Variants in WDR70 observed in about 807,000 individuals in gnomAD.
WDR70 encodes the protein WD repeat-containing protein 70.
WDR70 carries 53 observed loss-of-function variants against 88.6 expected under a neutral mutation model. That is an observed-to-expected ratio of 0.60 (90% CI 0.48 to 0.75). The LOEUF is 0.75. Ranked by LOEUF, WDR70 falls within the 30% of genes least tolerant of loss-of-function variation. The probability of loss-of-function intolerance (pLI) is 0.00; values close to 1 mark genes in which losing one functional copy is unlikely to be tolerated. For synonymous variants in WDR70, 280 were observed against 270.0 expected, an observed-to-expected ratio of 1.04 and a Z score of -0.36; for missense variants, 610 against 823.2, an observed-to-expected ratio of 0.74 and a Z score of 3.17.
intron 13 of WDR70, among the ~76,000 whole-genome samples, chr5:37,720,213 G>C (rs1747768009): frequency 6.6e-6 from 1 of 152,030 alleles, no homozygotes; most frequent in Non-Finnish European, 1.5e-5. Flanking sequence ...CCTATATATA[G>C]TTTGACAAGT....
chr5:37,416,592 T>C (rs1281207026), intron 5 of WDR70, among the ~76,000 whole-genome samples: 3 of 150,054 alleles, frequency 2.0e-5, no homozygotes, highest in East Asian at 3.9e-4. Context: ...TCTTTTTTTT[T>C]TTTTTTTGAG....
intron 7 of WDR70, among the ~76,000 whole-genome samples, chr5:37,452,037 T>C (rs1371795188): frequency 6.6e-6 from 1 of 152,116 alleles, no homozygotes; most frequent in Non-Finnish European, 1.5e-5. Flanking sequence ...GTGAAACATG[T>C]ATATTTTAAT....
intron 6 of WDR70, among the ~76,000 whole-genome samples, chr5:37,438,592 GA>G (rs1038965919): frequency 2.0e-5 from 3 of 151,910 alleles, no homozygotes; most frequent in Admixed American, 2.0e-4. Flanking sequence ...CATATGAAAT[GA>G]AAAAAATTAT....
chr5:37,608,333 C>T (rs1406010515), intron 10 of WDR70, among the ~76,000 whole-genome samples: 1 of 152,084 alleles, frequency 6.6e-6, no homozygotes, highest in Non-Finnish European at 1.5e-5. Context: ...AGCCACCACG[C>T]CTGGCCATTC....
chr5:37,441,184 T>C (rs1369896952), intron 6 of WDR70, among the ~76,000 whole-genome samples: 1 of 152,170 alleles, frequency 6.6e-6, no homozygotes, highest in Non-Finnish European at 1.5e-5. Flanking sequence ...TAGAGGCAAG[T>C]GAGTTTGTAG....
chr5:37,476,009 C>T (rs1739470342), intron 7 of WDR70, among the ~76,000 whole-genome samples: 1 of 151,718 alleles, frequency 6.6e-6, no homozygotes, highest in Non-Finnish European at 1.5e-5. Context: ...CCATGCCCAG[C>T]TATGTTTTTT....
At chr5:37,744,981 C>T (rs1343893602) in intron 17 of WDR70, among the ~76,000 whole-genome samples, 9 of 152,222 alleles carry the variant, frequency 5.9e-5, no homozygotes, top group African/African-American at 2.2e-4. Flanking sequence ...GACCCTTAAT[C>T]ATTGGATTCT....
At chr5:37,651,543 G>C (rs1745409577) in intron 10 of WDR70, among the ~76,000 whole-genome samples, 1 of 152,178 alleles carries the variant, frequency 6.6e-6, no homozygotes, top group South Asian at 2.1e-4. Flanking sequence ...TTGCCACCCT[G>C]TCTTCCACAG....
chr5:37,627,325 T>A (rs144663803), intron 10 of WDR70, among the ~76,000 whole-genome samples: 78 of 152,216 alleles, frequency 5.1e-4, no homozygotes, highest in Non-Finnish European at 3.4e-4. Context: ...TTTCCATAGT[T>A]CTCAAACGTG....
chr5:37,683,343 A>C (rs997171746), intron 10 of WDR70, among the ~76,000 whole-genome samples: 1 of 152,206 alleles, frequency 6.6e-6, no homozygotes, highest in Non-Finnish European at 1.5e-5. Flanking sequence ...TAGTATTTAC[A>C]TTCAAGATTA....
chr5:37,619,384 A>G (rs867560559), intron 10 of WDR70, among the ~76,000 whole-genome samples: 44 of 152,148 alleles, frequency 2.9e-4, no homozygotes, highest in Middle Eastern at 6.3e-3. Context: ...CAGGATGACT[A>G]TAGTCTCTAA....
At chr5:37,721,007 A>C in intron 13 of WDR70, 108 bp from the exon 14 acceptor site, 1 of 896,556 alleles carries the variant, frequency 1.1e-6, no homozygotes, top group Non-Finnish European at 1.8e-6. Flanking sequence ...TTAGAGGTAA[A>C]CCATCAGGAT....
chr5:37,468,454 A>T (rs1192060232), intron 7 of WDR70, among the ~76,000 whole-genome samples: 1 of 152,102 alleles, frequency 6.6e-6, no homozygotes, highest in Non-Finnish European at 1.5e-5. Flanking sequence ...TTATTTTTTC[A>T]TTTTATTTCA....
intron 9 of WDR70, among the ~76,000 whole-genome samples, chr5:37,565,786 T>G (rs947715416): frequency 1.3e-5 from 2 of 152,108 alleles, no homozygotes; most frequent in Non-Finnish European, 2.9e-5. Flanking sequence ...GATATTTAGA[T>G]TATTAGAGTA....
rs146941531 is a variant in WDR70, at chr5:37,497,856, C to G, written c.840+17869C>G. ...GTTTTTTTTAAGACAGAGTCTCACT[C>G]TGTCACCCAGGCTAGAGTGCAGTGG... is the stretch of plus-strand genomic sequence containing the variant. On this transcript the variant is annotated intron_variant, in intron 8 of 17. Coordinates refer to ENST00000265107, the MANE Select transcript of WDR70 (RefSeq NM_018034.4). 5.6e-3 allele frequency among the ~76,000 whole-genome samples: 847 copies of G among 152,118 alleles called. 12 individuals carry two copies. The highest frequency in any genetic ancestry group is 0.019 in the African/African-American group (808 of 41,500).
intron 7 of WDR70, among the ~76,000 whole-genome samples, chr5:37,449,397 G>C (rs1360208635): frequency 1.3e-5 from 2 of 152,018 alleles, no homozygotes; most frequent in Non-Finnish European, 2.9e-5. Flanking sequence ...TTCAAGACCA[G>C]CCTGGCCAAC....
chr5:37,591,408 G>A (rs1167204026), intron 9 of WDR70, among the ~76,000 whole-genome samples: 1 of 152,144 alleles, frequency 6.6e-6, no homozygotes, highest in East Asian at 1.9e-4. Context: ...AGATAATTGG[G>A]AATTTTATGA....
chr5:37,735,157 C>T (rs528064331), intron 17 of WDR70, among the ~76,000 whole-genome samples: 1 of 152,212 alleles, frequency 6.6e-6, no homozygotes, highest in South Asian at 2.1e-4. Flanking sequence ...TTTTCTGACT[C>T]TTCTGAGGCT....
chr5:37,569,554 G>C (rs1742841706), intron 9 of WDR70, among the ~76,000 whole-genome samples: 1 of 152,128 alleles, frequency 6.6e-6, no homozygotes, highest in Non-Finnish European at 1.5e-5. Context: ...GACGTCCCTT[G>C]TCATCTTGTA....
Sources: allele counts gnomAD v4.1 joint callset (sites outside exome capture counted in the v4.1 genomes callset), GRCh38; gene constraint gnomAD v4.1.1; transcripts MANE v1.5; gene names NCBI Gene and HGNC (gene_info 2026-07-23, HGNC 2026-07-21).